Variants in FHIT observed in about 807,000 individuals in gnomAD.
The protein encoded by FHIT is fragile histidine triad diadenosine triphosphatase.
A neutral mutation model predicts 17.9 loss-of-function variants in FHIT; 19 were observed. The ratio of observed to expected loss-of-function variants is 1.06; its 90% confidence interval spans 0.74 to 1.56. FHIT has a LOEUF of 1.56. Ranked by LOEUF, FHIT falls within the 40% of genes most tolerant of loss-of-function variation. The probability of loss-of-function intolerance (pLI) is 0.00; values close to 1 mark genes in which losing one functional copy is unlikely to be tolerated. For missense variants in FHIT, 248 were observed against 189.2 expected, an observed-to-expected ratio of 1.31 and a Z score of -1.82; for synonymous variants, 81 against 69.7, an observed-to-expected ratio of 1.16 and a Z score of -0.81.
chr3:61,037,461 C>T (rs910221809), intron 3 of FHIT, among the ~76,000 whole-genome samples: 11 of 152,270 alleles, frequency 7.2e-5, no homozygotes, highest in East Asian at 1.9e-4. Context: ...TGGTTTTCTT[C>T]TTCTGTTAAC....
intron 3 of FHIT, among the ~76,000 whole-genome samples, chr3:61,022,708 A>G (rs4290800): frequency 0.9 from 137,279 of 152,230 alleles, 62,007 homozygotes; most frequent in East Asian, 0.99. Flanking sequence ...ATCAATAAAC[A>G]TAATCCCTCA....
At chr3:60,802,698 G>A (rs894919211) in intron 4 of FHIT, among the ~76,000 whole-genome samples, 3 of 151,976 alleles carry the variant, frequency 2.0e-5, no homozygotes, top group Admixed American at 2.0e-4. Flanking sequence ...CTTAGGAACT[G>A]GGTGTCATTT....
rs6446140 is a variant in FHIT at position 60,600,234 on chromosome 3, T to C, written c.-17-63255A>G. Among the ~76,000 whole-genome samples the C allele has an allele frequency of 5.4e-3, 815 of 152,228 alleles. 5 individuals are homozygous for C. The highest frequency in any genetic ancestry group is 0.019 in the African/African-American group (770 of 41,544). ...CTCTGGGACTTGTTCTTTAATTCCA[T>C]ATCCTACACAACACTCTCCCAAACC... On this transcript the variant is annotated intron_variant, in intron 4 of 9. Coordinates refer to ENST00000492590, the MANE Select transcript of FHIT (RefSeq NM_002012.4).
At chr3:61,222,957 A>T (rs139595002) in intron 1 of FHIT, among the ~76,000 whole-genome samples, 63 of 152,312 alleles carry the variant, frequency 4.1e-4, no homozygotes, top group Non-Finnish European at 8.1e-4. Context: ...CTTGAACTAC[A>T]GTGACATACC....
chr3:61,116,839 T>A (rs1049203971), intron 2 of FHIT, among the ~76,000 whole-genome samples: 4 of 152,108 alleles, frequency 2.6e-5, no homozygotes, highest in Non-Finnish European at 5.9e-5. Flanking sequence ...AGAACAATAC[T>A]GAAAAGCATG....
At chr3:61,092,732 A>C (rs952122581) in intron 2 of FHIT, among the ~76,000 whole-genome samples, 14 of 152,176 alleles carry the variant, frequency 9.2e-5, no homozygotes, top group African/African-American at 3.4e-4. Context: ...CAATAAGATG[A>C]TATTTATGCT....
Position 60,142,190 on chromosome 3 carries a change from ACT to A in FHIT, c.104-128040_104-128039del, listed in dbSNP as rs1405243754. The stretch of plus-strand genomic sequence containing the variant: ...CCAGCCTTTATCAGCTCAAATCATG[ACT>A]CTGATATTTACCAGCTGTGAGACCC... On this transcript the variant is annotated intron_variant, in intron 5 of 9. Transcript: ENST00000492590. Among the ~76,000 whole-genome samples the A allele has an allele frequency of 1.1e-4, 17 of 152,194 alleles. No homozygotes were observed. In the East Asian group the frequency reaches 3.3e-3, roughly 29 times the overall value.
At chr3:60,843,836 G>A (rs1200185712) in intron 3 of FHIT, among the ~76,000 whole-genome samples, 2 of 152,074 alleles carry the variant, frequency 1.3e-5, no homozygotes, top group African/African-American at 4.8e-5. Context: ...TCCAACGCAG[G>A]TAACTATAGG....
chr3:60,919,949 G>A (rs537932183), intron 3 of FHIT, among the ~76,000 whole-genome samples: 4 of 151,832 alleles, frequency 2.6e-5, no homozygotes, highest in African/African-American at 7.2e-5. Flanking sequence ...GAGGAGAGTC[G>A]CTTGAACCAG....
intron 4 of FHIT, among the ~76,000 whole-genome samples, chr3:60,755,863 G>C (rs1349252276): frequency 6.6e-6 from 1 of 152,140 alleles, no homozygotes; most frequent in Non-Finnish European, 1.5e-5. Flanking sequence ...TAAGTACACA[G>C]GTTTGAATGG....
At chr3:60,297,236 C>A (rs946459945) in intron 5 of FHIT, among the ~76,000 whole-genome samples, 3 of 152,052 alleles carry the variant, frequency 2.0e-5, no homozygotes, top group Non-Finnish European at 2.9e-5. Flanking sequence ...CTTGGGAGAA[C>A]TGACATATTT....
At chr3:60,601,766 G>A (rs1469286132) in intron 4 of FHIT, among the ~76,000 whole-genome samples, 1 of 152,018 alleles carries the variant, frequency 6.6e-6, no homozygotes, top group Admixed American at 6.6e-5. Context: ...CCTCATAAGT[G>A]TTTTATAATA....
chr3:59,776,032 G>A lies in FHIT; in HGVS notation c.349-23711C>T, dbSNP rs186045046. Among the ~76,000 whole-genome samples the A allele has an allele frequency of 3.6e-4, 55 of 152,284 alleles. No individual in the cohort carries two copies. In the East Asian group the frequency reaches 6.8e-3, roughly 19 times the overall value. On this transcript the variant is annotated intron_variant, in intron 8 of 9. Coordinates refer to ENST00000492590, the MANE Select transcript of FHIT (RefSeq NM_002012.4). ...TGAGCTAACACAGCCAAAGTTTGGC[G>A]CTGTCACCTCGAAAATGAATTCGAA...
At chr3:61,197,833 A>T (rs1484640527) in intron 2 of FHIT, among the ~76,000 whole-genome samples, 1 of 152,094 alleles carries the variant, frequency 6.6e-6, no homozygotes, top group African/African-American at 2.4e-5. Context: ...GGGAGGGATG[A>T]CTTCTCCGCT....
chr3:61,087,666 C>T (rs970697670), intron 2 of FHIT, among the ~76,000 whole-genome samples: 1 of 152,008 alleles, frequency 6.6e-6, no homozygotes, highest in African/African-American at 2.4e-5. Context: ...TGGTAAAATG[C>T]TAAGTAATTC....
At position 61,215,150 on chromosome 3, in the gene FHIT, C is replaced by T. The variant is rs368730816; in HGVS notation, c.-212-14485G>A. ...CCTATTCAACATAGTGTTGGAAGTT[C>T]TGGCCAGGGCAATCAGGCAGGAGAA... On this transcript the variant is annotated intron_variant, in intron 1 of 9. Transcript: ENST00000492590. Among the ~76,000 whole-genome samples, 118 of 152,072 alleles carry T rather than the reference C, an allele frequency of 7.8e-4. 1 individual carries two copies. In the East Asian group the frequency reaches 0.021, roughly 28 times the overall value.
intron 7 of FHIT, among the ~76,000 whole-genome samples, chr3:59,950,244 A>G (rs752182432): frequency 2.2e-4 from 33 of 152,220 alleles, no homozygotes; most frequent in Non-Finnish European, 2.6e-4. Context: ...GCTGTGAGTT[A>G]AGAGGATTTC....
intron 7 of FHIT, among the ~76,000 whole-genome samples, chr3:59,959,305 T>C (rs891276942): frequency 6.6e-6 from 1 of 152,170 alleles, no homozygotes; most frequent in Non-Finnish European, 1.5e-5. Context: ...ACAGTTACTA[T>C]GACAAGATAC....
chr3:61,063,200 G>A (rs1418061243), intron 2 of FHIT, among the ~76,000 whole-genome samples: 1 of 137,448 alleles, frequency 7.3e-6, no homozygotes, highest in Non-Finnish European at 1.5e-5. Flanking sequence ...AGCTTGCAAT[G>A]AGCTGAGACC....
Sources: gnomAD v4.1 joint callset for allele counts (sites outside exome capture counted in the v4.1 genomes callset) on GRCh38, gnomAD v4.1.1 for gene constraint, MANE v1.5 for transcripts, NCBI Gene and HGNC (gene_info 2026-07-23, HGNC 2026-07-21) for gene names.